Variants in ADCY6 observed in about 807,000 individuals in gnomAD.
ADCY6 encodes the protein adenylate cyclase type 6.
ADCY6 carries 59 observed loss-of-function variants against 111.6 expected under a neutral mutation model. The observed-to-expected ratio is 0.53, with a 90% CI of 0.43 to 0.66. The LOEUF (loss-of-function observed/expected upper bound fraction) is 0.66. ADCY6 is among the 30% of genes least tolerant of loss of function. ADCY6 has a pLI of 0.00. For synonymous variants in ADCY6, 576 were observed against 642.9 expected, an observed-to-expected ratio of 0.90 and a Z score of 1.57; for missense variants, 1,242 against 1,595.6, an observed-to-expected ratio of 0.78 and a Z score of 3.78.
At position 48,783,178 on chromosome 12, in the gene ADCY6, G is replaced by C. The variant is rs1194814957; in HGVS notation, c.257C>G (p.Ala86Gly). ...PGKGKELGLR[A>G]VALGFEDTEV... ...GGTATCCTCGAAGCCCAGGGCCACT[G>C]CCCGCAGCCCCAGCTCCTTGCCCTT... The change falls in exon 2 of 22, where the codon GCA becomes GGA. Residue 86 changes from alanine (A) to glycine (G), a missense_variant. Around this residue, in one of 4 missense-constraint regions of ADCY6, gnomAD observed 362 missense variants for 377.2 expected, o/e 0.96. Coordinates refer to ENST00000357869, the MANE Select transcript of ADCY6 (RefSeq NM_015270.5). The C allele has an allele frequency of 4.4e-6, 7 of 1,606,688 alleles. No individual in the cohort carries two copies. Among genetic ancestry groups the C allele is most frequent in the African/African-American group, 1.3e-5 (1 of 74,932 alleles).
rs1037254707 is a variant in ADCY6, at chr12:48,778,872, A to ATTTTTTTTTTTT, written c.865-627_865-616dup. The stretch of plus-strand genomic sequence containing the variant: ...GTGTCTTCTATACACTGAATAACAC[A>ATTTTTTTTTTTT]TTTTTTTTTTTTTTTTTTTTTTTTT... On this transcript the variant is annotated intron_variant, in intron 2 of 21. Transcript: ENST00000357869. Among the ~76,000 whole-genome samples, 27 of 72,414 alleles carry ATTTTTTTTTTTT rather than the reference A, an allele frequency of 3.7e-4. 3 individuals are homozygous for ATTTTTTTTTTTT. Among genetic ancestry groups the ATTTTTTTTTTTT allele is most frequent in the African/African-American group, 1.4e-3 (24 of 16,734 alleles). The allele number at this position is 72,414 out of a possible 152,430, so 47.5% of individuals were successfully genotyped here. A position where few individuals can be genotyped will look rare whatever the true frequency, so the allele number is the denominator to read the frequency against.
Position 48,767,398 on chromosome 12 carries a change from A to C in ADCY6, c.*1193T>G, listed in dbSNP as rs538879818. On this transcript the variant is annotated 3_prime_UTR_variant, in exon 22 of 22. Transcript: ENST00000357869. Reference sequence around the variant, plus strand: ...CTGTGCAACCTGGGCATCTCTCTACATCCCCTGAAGTAGGAAACCCTGCTT... The same window carrying C: ...CTGTGCAACCTGGGCATCTCTCTACCTCCCCTGAAGTAGGAAACCCTGCTT... 6.6e-6 allele frequency: 1 copy of C among 152,604 alleles called. No homozygotes were observed. The highest frequency in any genetic ancestry group is 1.5e-5 in the Non-Finnish European group (1 of 68,080). 9.5% of individuals were successfully genotyped at this position (152,604 alleles called of 1,614,324 possible). A position where few individuals can be genotyped will look rare whatever the true frequency, so the allele number is the denominator to read the frequency against.
chr12:48,784,804 C>G (rs1283658592), intron 1 of ADCY6, among the ~76,000 whole-genome samples: 1 of 151,336 alleles, frequency 6.6e-6, no homozygotes, highest in East Asian at 1.9e-4. Context: ...GCTGGGACTA[C>G]AGGCGCCTGC....
At chr12:48,772,644 T>C (rs1565644610) in intron 16 of ADCY6, 101 bp from the exon 17 acceptor site, 1 of 1,392,764 alleles carries the variant, frequency 7.2e-7, no homozygotes, top group Non-Finnish European at 1.0e-6. Flanking sequence ...GAGCACATAC[T>C]GTAAGTCAGG....
intron 1 of ADCY6, among the ~76,000 whole-genome samples, chr12:48,787,870 C>A (rs908278884): frequency 1.3e-5 from 2 of 152,198 alleles, no homozygotes; most frequent in African/African-American, 2.4e-5. Context: ...CAGGCTGAGA[C>A]CAGAGTTTGG....
chr12:48,774,334 G>T, intron 14 of ADCY6, 68 bp downstream of exon 14: 1 of 1,446,872 alleles, frequency 6.9e-7, no homozygotes. Context: ...TTTCTCCGCT[G>T]TACTCCCAGT....
rs889458798 is a variant in ADCY6, at chr12:48,771,391, T to C, written c.3051+319A>G. The stretch of plus-strand genomic sequence containing the variant: ...TATTCAGAGGACCATCTTGCTTGGT[T>C]GGTCTCATGAGGTTCTGTCCACAGA... On this transcript the variant is annotated intron_variant, in intron 19 of 21. Coordinates refer to ENST00000357869, the MANE Select transcript of ADCY6 (RefSeq NM_015270.5). This position sits in a 1 kb window ranked among gnomAD's most constrained non-coding sequence, Gnocchi z 4.3. 5 of 515,794 alleles carry C rather than the reference T, an allele frequency of 9.7e-6. 1 individual carries two copies. The highest frequency in any genetic ancestry group is 1.8e-5 in the Non-Finnish European group (5 of 282,880). The allele number at this position is 515,794 out of a possible 1,614,324, so 32.0% of individuals were successfully genotyped here.
In ADCY6 at chr12:48,774,529, C is replaced by T. The variant is rs1054656309; in HGVS notation, c.2167-11G>A. Reference sequence around the variant, plus strand: ...GGCCTTAGGGAACAGCTAGAGGCATCAAGAGACCAAGAGTTGAAGGTTGTA... The same window carrying T: ...GGCCTTAGGGAACAGCTAGAGGCATTAAGAGACCAAGAGTTGAAGGTTGTA... On this transcript the variant is annotated splice_polypyrimidine_tract_variant and intron_variant, in intron 13 of 21. Transcript: ENST00000357869. The T allele has an allele frequency of 1.2e-6, 2 of 1,610,544 alleles. No homozygotes were observed. Among genetic ancestry groups the T allele is most frequent in the African/African-American group, 2.7e-5 (2 of 74,888 alleles).
Position 48,778,162 on chromosome 12 carries a change from C to A in ADCY6, c.960G>T (p.Glu320Asp). ...GCCGGGCCTGGATGTAACCGCGGGT[C>A]TCCTGAAAGGCCTGGCGCTGAGACA... ...AEVSQRQAFQ[E>D]TRGYIQARLH... is the part of the protein sequence containing the mutation. The change falls in exon 3 of 22, where the codon GAG (glutamate) becomes GAT (aspartate). Residue 320 changes from glutamate (E) to aspartate (D), a missense_variant. Transcript: ENST00000357869. 2 of 1,614,052 alleles carry A rather than the reference C, an allele frequency of 1.2e-6. No individual in the cohort carries two copies. The highest frequency in any genetic ancestry group is 2.2e-5 in the East Asian group (1 of 44,874).
Position 48,783,007 on chromosome 12 carries a change from T to C in ADCY6, c.428A>G (p.Tyr143Cys). The C allele has an allele frequency of 6.2e-7, 1 of 1,613,724 alleles. No homozygotes were observed. Among genetic ancestry groups the C allele is most frequent in the Non-Finnish European group, 8.5e-7 (1 of 1,179,910 alleles). ...GCTGCTCTGGTTCATCTGGAAGAAG[T>C]ACCGCTGGTACAGGCGCTCCAGCTT... ...SAKLERLYQR[Y>C]FFQMNQSSLT... Residue 143 changes from tyrosine to cysteine, a missense_variant, in exon 2 of 22, where the codon TAC (tyrosine) becomes TGC (cysteine). Physicochemically the swap from Tyr to Cys is radical, Grantham distance 194. This residue lies in a region of ADCY6 where 362 missense variants were observed against 377.2 expected (regional missense o/e 0.96). Coordinates refer to ENST00000357869, the MANE Select transcript of ADCY6 (RefSeq NM_015270.5).
At chr12:48,770,167 G>A (rs568268982) in intron 20 of ADCY6, among the ~76,000 whole-genome samples, 51 of 150,170 alleles carry the variant, frequency 3.4e-4, no homozygotes, top group Middle Eastern at 3.4e-3. Context: ...GCTTCCCAAA[G>A]TGCTGGGATT....
rs1198329587 is a variant in ADCY6 at position 48,772,538 on chromosome 12, G to A, written c.2627C>T (p.Ser876Phe). 6.2e-7 allele frequency: 1 copy of A among 1,614,236 alleles called. No individual in the cohort carries two copies. Among genetic ancestry groups the A allele is most frequent in the Non-Finnish European group, 8.5e-7 (1 of 1,180,044 alleles). ...CAGCCCATCAAAGGTCTCATTGGAAGAAGCCCTGGTAAGAAGATAGAAGAG... is the reference window on the plus strand; with the variant it reads ...CAGCCCATCAAAGGTCTCATTGGAAAAAGCCCTGGTAAGAAGATAGAAGAG... ...DLLLGVHGLA[S>F]SNETFDGLDC... Residue 876 changes from serine (S) to phenylalanine (F), a missense_variant, in exon 17 of 22, where the codon TCT becomes TTT. This residue lies in a region of ADCY6 where 375 missense variants were observed against 432.5 expected (regional missense o/e 0.87). Transcript: ENST00000357869.
intron 1 of ADCY6, among the ~76,000 whole-genome samples, chr12:48,785,365 A>G (rs566185489): frequency 8.9e-4 from 135 of 152,324 alleles, no homozygotes; most frequent in Non-Finnish European, 1.7e-3. Flanking sequence ...CACACTTGTA[A>G]TCCCAGCACT....
chr12:48,774,681 C>T lies in ADCY6; in HGVS notation c.2166+10G>A, dbSNP rs758929612. Reference sequence around the variant, plus strand: ...CCCTCCCCAACAGCCTCAGAAATCCCCTTACGTACAGAACCACAGGAGTAC... The same window carrying T: ...CCCTCCCCAACAGCCTCAGAAATCCTCTTACGTACAGAACCACAGGAGTAC... On this transcript the variant is annotated intron_variant, in intron 13 of 21. Transcript: ENST00000357869. 6.2e-7 allele frequency: 1 copy of T among 1,613,626 alleles called. No individual in the cohort carries two copies. The highest frequency in any genetic ancestry group is 8.5e-7 in the Non-Finnish European group (1 of 1,179,712).
At chr12:48,784,284 G>A (rs1448794864) in intron 1 of ADCY6, among the ~76,000 whole-genome samples, 2 of 141,052 alleles carry the variant, frequency 1.4e-5, no homozygotes, top group African/African-American at 2.6e-5. Flanking sequence ...AGGGAGGGAG[G>A]GAGAGAGGGA....
chr12:48,775,589 G>C (rs968058764), intron 10 of ADCY6, 84 bp downstream of exon 10: 8 of 1,583,712 alleles, frequency 5.1e-6, no homozygotes, highest in Non-Finnish European at 6.9e-6. Context: ...ACACTCCTAA[G>C]GTCAGGGAAA....
Position 48,775,288 on chromosome 12 carries a change from C to G in ADCY6, c.1980+15G>C. 1.2e-6 allele frequency: 2 copies of G among 1,613,840 alleles called. No individual in the cohort carries two copies. The highest frequency in any genetic ancestry group is 1.1e-5 in the South Asian group (1 of 91,056). On this transcript the variant is annotated intron_variant, in intron 11 of 21. Coordinates refer to ENST00000357869, the MANE Select transcript of ADCY6 (RefSeq NM_015270.5). ...CTCCCCCAGCCCTTGTCCTTCTGCC[C>G]TGTATCCCTCAAACCTTCTTCTCAA...
In ADCY6 at chr12:48,770,900, G is replaced by A. The variant is rs1208169338; in HGVS notation, c.3122C>T (p.Ser1041Leu). ...KTIGSTYMAA[S>L]GLNASTYDQV... is the part of the protein sequence containing the mutation. ...ATCGTAGGTGCTGGCGTTCAGCCCT[G>A]AGGCAGCCATGTAGGTGCTACCAAT... The change falls in exon 20 of 22, where the codon TCA becomes TTA. Residue 1041 changes from serine (S) to leucine (L), a missense_variant. Physicochemically the swap from Ser to Leu is moderately radical, Grantham distance 145. This residue lies in a region of ADCY6 where 245 missense variants were observed against 371.3 expected (regional missense o/e 0.66). Transcript: ENST00000357869. 1.9e-6 allele frequency: 3 copies of A among 1,614,250 alleles called. No homozygotes were observed. The highest frequency in any genetic ancestry group is 8.5e-7 in the Non-Finnish European group (1 of 1,180,046).
In ADCY6 at chr12:48,770,984, G is replaced by A. The variant is rs773830185; in HGVS notation, c.3052-14C>T. Reference sequence around the variant, plus strand: ...CTCGCTGATAATCTGAACAACACAAGGAGACCTGGCTGTCAAGGCAAAGAC... The same window carrying A: ...CTCGCTGATAATCTGAACAACACAAAGAGACCTGGCTGTCAAGGCAAAGAC... On this transcript the variant is annotated splice_polypyrimidine_tract_variant and intron_variant, in intron 19 of 21. Transcript: ENST00000357869. The A allele has an allele frequency of 6.2e-7, 1 of 1,610,950 alleles. No homozygotes were observed. Among genetic ancestry groups the A allele is most frequent in the South Asian group, 1.1e-5 (1 of 90,982 alleles).
Sources: allele counts gnomAD v4.1 joint callset (sites outside exome capture counted in the v4.1 genomes callset), GRCh38; gene constraint gnomAD v4.1.1; regional missense constraint gnomAD v4.1.1; non-coding constraint Gnocchi (gnomAD v3.1); transcripts MANE v1.5; gene names NCBI Gene and HGNC (gene_info 2026-07-23, HGNC 2026-07-21).